MALRD1: variants seen among roughly 807,000 people sequenced by gnomAD.
MALRD1 encodes MAM and LDL-receptor class A domain-containing protein 1.
A neutral mutation model predicts 242.1 loss-of-function variants in MALRD1; 247 were observed. The ratio of observed to expected loss-of-function variants is 1.02; its 90% confidence interval spans 0.92 to 1.13. The LOEUF (loss-of-function observed/expected upper bound fraction) is 1.13, where lower values mean the gene tolerates loss of function less well. Ranked by LOEUF, MALRD1 falls within the 50% of genes most tolerant of loss-of-function variation. MALRD1 has a pLI of 0.00. For missense variants in MALRD1, 2,989 were observed against 2,533.1 expected, an observed-to-expected ratio of 1.18 and a Z score of -3.86; for synonymous variants, 995 against 866.6, an observed-to-expected ratio of 1.15 and a Z score of -2.60.
chr10:19,379,166 T>A (rs1845731110), intron 26 of MALRD1, among the ~76,000 whole-genome samples: 1 of 152,096 alleles, frequency 6.6e-6, no homozygotes, highest in Non-Finnish European at 1.5e-5. Context: ...CTTTTTCACA[T>A]TGGTAATCTT....
chr10:19,204,970 A>C lies in MALRD1; in HGVS notation c.2283A>C (p.Thr761=). 5 of 1,550,714 alleles carry C rather than the reference A, an allele frequency of 3.2e-6. No homozygotes were observed. Among genetic ancestry groups the C allele is most frequent in the Non-Finnish European group, 4.4e-6 (5 of 1,146,978 alleles). The change falls in exon 17 of 40, where the codon ACA becomes ACC. Residue 761 remains threonine, a synonymous_variant. Transcript: ENST00000454679. ...ATATGGAAAATTCTCATGACTCAAC[A>C]GTGATTTGGAGAGTATTATACAATC... ...QLHMENSHDS[T]VIWRVLYNQG... is the part of the protein sequence containing the mutation.
intron 31 of MALRD1, among the ~76,000 whole-genome samples, chr10:19,502,012 C>CAAAAAAAAAAAAAAAAAAAAAA (rs1181159875): frequency 2.5e-5 from 1 of 40,352 alleles, no homozygotes; most frequent in East Asian, 6.2e-4. Flanking sequence ...GATTCTGTCT[C>CAAAAAAAAAAAAAAAAAAAAAA]AAAAAAAAAA....
At chr10:19,332,172 A>T (rs12768512) in intron 24 of MALRD1, among the ~76,000 whole-genome samples, 113,619 of 148,886 alleles carry the variant, frequency 0.76, 43,826 homozygotes, top group African/African-American at 0.86. Context: ...CCTGAAATAA[A>T]TGTTGTTTTT....
chr10:19,600,343 G>C (rs1416445845), intron 34 of MALRD1, among the ~76,000 whole-genome samples: 1 of 152,112 alleles, frequency 6.6e-6, no homozygotes, highest in Non-Finnish European at 1.5e-5. Flanking sequence ...GTTTCAGGGA[G>C]ATATTGGAGG....
chr10:19,629,591 T>C (rs12219684), intron 36 of MALRD1, among the ~76,000 whole-genome samples: 44,777 of 152,100 alleles, frequency 0.29, 7,934 homozygotes, highest in South Asian at 0.46. Flanking sequence ...CCAAGCTTCA[T>C]GGGGTAGCCG....
At chr10:19,593,358 C>T (rs1184261739) in intron 33 of MALRD1, among the ~76,000 whole-genome samples, 3 of 152,174 alleles carry the variant, frequency 2.0e-5, no homozygotes, top group African/African-American at 7.2e-5. Context: ...GGGTCAGAGT[C>T]TAAATACCTT....
chr10:19,728,970 A>T (rs916501588), intron 38 of MALRD1, among the ~76,000 whole-genome samples: 4 of 152,220 alleles, frequency 2.6e-5, no homozygotes, highest in Admixed American at 2.0e-4. Flanking sequence ...GTGCTTAAGG[A>T]ATTAACAGAT....
chr10:19,544,903 T>C lies in MALRD1; in HGVS notation c.5478+13552T>C, dbSNP rs150231436. 3.1e-3 allele frequency among the ~76,000 whole-genome samples: 473 copies of C among 152,320 alleles called. 6 individuals are homozygous for C. Among genetic ancestry groups the C allele is most frequent in the African/African-American group, 0.011 (448 of 41,570 alleles). Reference sequence around the variant, plus strand: ...CAAGTTATCTTTGCTCACCACTCTTTATTAATGCCTATGCAGTCTACTATA... The same window carrying C: ...CAAGTTATCTTTGCTCACCACTCTTCATTAATGCCTATGCAGTCTACTATA... On this transcript the variant is annotated intron_variant, in intron 32 of 39. Coordinates refer to ENST00000454679, the MANE Select transcript of MALRD1 (RefSeq NM_001142308.3).
Position 19,048,978 on chromosome 10 carries a change from A to T in MALRD1, c.40A>T (p.Asn14Tyr). Residue 14 changes from asparagine (N) to tyrosine (Y), a missense_variant, in exon 1 of 40, where the codon AAT becomes TAT. Transcript: ENST00000454679. ...FLDRMLAFPM[N>Y]ETFCCLWIAC... is the part of the protein sequence containing the mutation. ...GGACAGAATGTTGGCATTCCCCATGAATGAAACTTTTTGTTGCCTTTGGAT... is the reference window on the plus strand; with the variant it reads ...GGACAGAATGTTGGCATTCCCCATGTATGAAACTTTTTGTTGCCTTTGGAT... 8.1e-7 allele frequency: 1 copy of T among 1,233,916 alleles called. No individual in the cohort carries two copies. Among genetic ancestry groups the T allele is most frequent in the Non-Finnish European group, 1.0e-6 (1 of 988,150 alleles). The allele number at this position is 1,233,916 out of a possible 1,614,324, so 76.4% of individuals were successfully genotyped here.
chr10:19,419,755 T>G (rs1360653242), intron 28 of MALRD1, among the ~76,000 whole-genome samples: 1 of 152,208 alleles, frequency 6.6e-6, no homozygotes, highest in Non-Finnish European at 1.5e-5. Context: ...AGTTGTAGTA[T>G]TGTATTTTAC....
In MALRD1 at chr10:19,190,264, C is replaced by T. The variant is rs1330653530; in HGVS notation, c.1952-13464C>T. Among the ~76,000 whole-genome samples, 4 of 151,600 alleles carry T rather than the reference C, an allele frequency of 2.6e-5. No individual in the cohort carries two copies. In the East Asian group the frequency reaches 7.7e-4, roughly 29 times the overall value. ...TAATCAAGATGGTGAAAGACTTGTA[C>T]AATAAAAAATAAAAAACATTTCTGA... On this transcript the variant is annotated intron_variant, in intron 14 of 39. Coordinates refer to ENST00000454679, the MANE Select transcript of MALRD1 (RefSeq NM_001142308.3).
chr10:19,318,513 AG>A (rs2132018212), intron 21 of MALRD1, among the ~76,000 whole-genome samples: 1 of 149,246 alleles, frequency 6.7e-6, no homozygotes, highest in African/African-American at 2.4e-5. Context: ...TGGTTACCTT[AG>A]GGTTTTTTTT....
chr10:19,358,199 T>TGA (rs1392157342), intron 26 of MALRD1, among the ~76,000 whole-genome samples: 1 of 146,048 alleles, frequency 6.8e-6, no homozygotes, highest in Non-Finnish European at 1.5e-5. Context: ...GAGTCAAGTG[T>TGA]GTGTGTGTGT....
At chr10:19,683,730 A>G (rs553574413) in intron 36 of MALRD1, among the ~76,000 whole-genome samples, 1 of 152,192 alleles carries the variant, frequency 6.6e-6, no homozygotes, top group Non-Finnish European at 1.5e-5. Context: ...AAAGTTAATT[A>G]GCATTACAAA....
chr10:19,586,458 G>A (rs187120886), intron 33 of MALRD1, among the ~76,000 whole-genome samples: 2,043 of 152,174 alleles, frequency 0.013, 33 homozygotes, highest in African/African-American at 0.047. Context: ...AGGACCCTCA[G>A]CTGCAGGTCT....
intron 36 of MALRD1, among the ~76,000 whole-genome samples, chr10:19,684,701 A>G (rs1439915828): frequency 1.3e-5 from 2 of 152,188 alleles, no homozygotes; most frequent in Admixed American, 1.3e-4. Flanking sequence ...GCAGTGAGCC[A>G]AGATTGTGCC....
At chr10:19,163,754 C>T (rs1198195255) in intron 12 of MALRD1, among the ~76,000 whole-genome samples, 1 of 152,164 alleles carries the variant, frequency 6.6e-6, no homozygotes, top group African/African-American at 2.4e-5. Context: ...GATAATGGAA[C>T]ATTCCTTGGT....
intron 28 of MALRD1, among the ~76,000 whole-genome samples, chr10:19,431,969 T>C (rs1470916213): frequency 1.3e-5 from 2 of 152,176 alleles, no homozygotes; most frequent in Admixed American, 6.5e-5. Flanking sequence ...TTTTTCCCAG[T>C]GTTCTTCTAC....
intron 36 of MALRD1, among the ~76,000 whole-genome samples, chr10:19,650,996 G>A (rs1382570582): frequency 1.3e-5 from 2 of 152,160 alleles, no homozygotes; most frequent in Admixed American, 1.3e-4. Flanking sequence ...TAGAAAGCCA[G>A]TCTCCCCACT....
Sources: allele counts gnomAD v4.1 joint callset (sites outside exome capture counted in the v4.1 genomes callset), GRCh38; gene constraint gnomAD v4.1.1; transcripts MANE v1.5; gene names NCBI Gene and HGNC (gene_info 2026-07-23, HGNC 2026-07-21).